Variants in EFL1 observed in about 807,000 individuals in gnomAD.
EFL1 encodes the protein elongation factor like GTPase 1, also known as elongation factor-like GTPase 1.
In EFL1, 76 loss-of-function variants were observed where a neutral mutation model predicts 126.7. The ratio of observed to expected loss-of-function variants is 0.60; its 90% confidence interval spans 0.50 to 0.73. The LOEUF (loss-of-function observed/expected upper bound fraction) is 0.73. Ranked by LOEUF, EFL1 falls within the 30% of genes least tolerant of loss-of-function variation. The probability of loss-of-function intolerance (pLI) is 0.00; values close to 1 mark genes in which losing one functional copy is unlikely to be tolerated. For synonymous variants in EFL1, 410 were observed against 448.4 expected, an observed-to-expected ratio of 0.91 and a Z score of 1.08; for missense variants, 1,128 against 1,343.2, an observed-to-expected ratio of 0.84 and a Z score of 2.50.
At chr15:82,223,617 A>T (rs2074733745) in intron 12 of EFL1, among the ~76,000 whole-genome samples, 1 of 152,232 alleles carries the variant, frequency 6.6e-6, no homozygotes, top group Admixed American at 6.5e-5. Context: ...AAATCTTAAC[A>T]GCAAGTTTTC....
chr15:82,211,274 C>T (rs2074581615), intron 15 of EFL1, among the ~76,000 whole-genome samples: 1 of 151,762 alleles, frequency 6.6e-6, no homozygotes, highest in South Asian at 2.1e-4. Flanking sequence ...TGTCTGTAAT[C>T]CCAGCACGTT....
At chr15:82,235,802 C>T (rs2074866780) in intron 7 of EFL1, among the ~76,000 whole-genome samples, 1 of 152,046 alleles carries the variant, frequency 6.6e-6, no homozygotes, top group Non-Finnish European at 1.5e-5. Context: ...CAAGGATGCC[C>T]ACTCCCATCA....
chr15:82,176,199 T>C (rs376158645), intron 15 of EFL1, among the ~76,000 whole-genome samples: 2 of 152,024 alleles, frequency 1.3e-5, no homozygotes, highest in Admixed American at 6.6e-5. Context: ...GTCAGACGGA[T>C]TGCAGATCTA....
In EFL1 at chr15:82,211,764, T is replaced by C. The variant is rs181642013; in HGVS notation, c.1750+2953A>G. 9.4e-4 allele frequency among the ~76,000 whole-genome samples: 143 copies of C among 152,192 alleles called. 5 individuals carry two copies. In the East Asian group the frequency reaches 0.024, roughly 26 times the overall value. ...AATCAAGGAACAAGTAAAATTTGCCTAAAAAAGTAATTCTATGACTTTGAG... is the reference window on the plus strand; with the variant it reads ...AATCAAGGAACAAGTAAAATTTGCCCAAAAAAGTAATTCTATGACTTTGAG... On this transcript the variant is annotated intron_variant, in intron 15 of 19. Coordinates refer to ENST00000268206, the MANE Select transcript of EFL1 (RefSeq NM_024580.6).
intron 15 of EFL1, among the ~76,000 whole-genome samples, chr15:82,205,096 C>A (rs2074510665): frequency 6.6e-6 from 1 of 152,124 alleles, no homozygotes; most frequent in South Asian, 2.1e-4. Flanking sequence ...AGCAAGAGGA[C>A]CTAATGCTTG....
At chr15:82,224,486 A>T in intron 12 of EFL1, among the ~76,000 whole-genome samples, 1 of 152,222 alleles carries the variant, frequency 6.6e-6, no homozygotes, top group Non-Finnish European at 1.5e-5. Context: ...AGGATCATTA[A>T]GGGTTTTTGA....
At chr15:82,230,136 T>C (rs2074806039) in intron 8 of EFL1, among the ~76,000 whole-genome samples, 1 of 152,148 alleles carries the variant, frequency 6.6e-6, no homozygotes, top group Non-Finnish European at 1.5e-5. Flanking sequence ...AAACAGCATA[T>C]CTCAACTGAG....
rs1228000594 is a variant in EFL1, at chr15:82,158,102, C to G, written c.1883-242G>C. ...AGACTCCCAAAGCTGATCTATATTA[C>G]TTCTTCAAATACTCTGCAGATACAA... On this transcript the variant is annotated intron_variant, in intron 16 of 19. Transcript: ENST00000268206. Among the ~76,000 whole-genome samples, 5 of 152,182 alleles carry G rather than the reference C, an allele frequency of 3.3e-5. No homozygotes were observed. In the South Asian group the frequency reaches 1.0e-3, roughly 32 times the overall value.
rs1482143448 is a variant in EFL1 at position 82,220,187 on chromosome 15, T to G, written c.1335A>C (p.Ala445=). 1.2e-6 allele frequency: 2 copies of G among 1,612,308 alleles called. No homozygotes were observed. The highest frequency in any genetic ancestry group is 1.7e-6 in the Non-Finnish European group (2 of 1,179,384). The change falls in exon 13 of 20, where the codon GCA becomes GCC. Residue 445 remains alanine (A), a synonymous_variant. Transcript: ENST00000268206. ...QEEIAQRRER[A]RQRHAEKLAA... ...CAAGCTTCTCTGCATGCCTTTGTCT[T>G]GCACGCTCACGTCTCTGAGCAATTT...
chr15:82,216,462 T>C (rs1248924845), intron 14 of EFL1, among the ~76,000 whole-genome samples: 1 of 152,146 alleles, frequency 6.6e-6, no homozygotes, highest in East Asian at 1.9e-4. Context: ...GTCTTTTTGA[T>C]GTCAAAACAT....
At chr15:82,154,393 G>C (rs1567042911) in intron 17 of EFL1, among the ~76,000 whole-genome samples, 1 of 152,190 alleles carries the variant, frequency 6.6e-6, no homozygotes, top group Non-Finnish European at 1.5e-5. Context: ...ATCCATTCCT[G>C]AAGATGTGTG....
chr15:82,262,475 A>C, intron 1 of EFL1, 139 bp downstream of exon 1: 1 of 186,166 alleles, frequency 5.4e-6, no homozygotes, highest in Non-Finnish European at 1.1e-5. Flanking sequence ...GGGAAGCGGC[A>C]CTCCGGGGAC....
Position 82,218,117 on chromosome 15 carries a change from C to T in EFL1, c.1611+1535G>A, listed in dbSNP as rs867066754. Among the ~76,000 whole-genome samples, 4 of 152,254 alleles carry T rather than the reference C, an allele frequency of 2.6e-5. 1 individual carries two copies. The South Asian group carries it at 8.3e-4, about 32-fold the overall frequency. On this transcript the variant is annotated intron_variant, in intron 14 of 19. Coordinates refer to ENST00000268206, the MANE Select transcript of EFL1 (RefSeq NM_024580.6). ...ACATTCTGATTGTGGCTTTGTGAGA[C>T]CCTAAGGAGAAGATGTGGCTAAGCC... is the stretch of plus-strand genomic sequence containing the variant.
intron 15 of EFL1, among the ~76,000 whole-genome samples, chr15:82,191,232 C>T (rs1446149316): frequency 6.6e-6 from 1 of 152,054 alleles, no homozygotes; most frequent in Non-Finnish European, 1.5e-5. Context: ...TACAACACAC[C>T]CTGAAATCTT....
intron 15 of EFL1, among the ~76,000 whole-genome samples, chr15:82,180,284 GATATTTGTTGA>G (rs1210215825): frequency 6.8e-6 from 1 of 148,112 alleles, no homozygotes; most frequent in Non-Finnish European, 1.5e-5. Flanking sequence ...ATCCTCCACA[GATATTTGTTGA>G]ATGAGTGAAC....
chr15:82,246,237 T>G (rs550183799), intron 4 of EFL1, among the ~76,000 whole-genome samples: 1 of 152,132 alleles, frequency 6.6e-6, no homozygotes, highest in Non-Finnish European at 1.5e-5. Context: ...GCTGCGTAGA[T>G]AGTAAATCTA....
chr15:82,219,742 T>C lies in EFL1; in HGVS notation c.1521A>G (p.Ala507=), dbSNP rs1359440932. 5 of 1,613,928 alleles carry C rather than the reference T, an allele frequency of 3.1e-6. No homozygotes were observed. In the African/African-American group the frequency reaches 6.7e-5, roughly 22 times the overall value. The part of the protein sequence containing the change: ...QEENNQESFI[A]FARVFSGVAR... The stretch of plus-strand genomic sequence containing the variant: ...CCACACCACTGAACACCCGAGCAAA[T>C]GCAATAAAAGACTCTTGGTTGTTTT... Residue 507 remains alanine (A), a synonymous_variant, in exon 14 of 20, where the codon GCA becomes GCG. Coordinates refer to ENST00000268206, the MANE Select transcript of EFL1 (RefSeq NM_024580.6).
chr15:82,244,485 T>C (rs560155506), intron 4 of EFL1, among the ~76,000 whole-genome samples: 3 of 152,270 alleles, frequency 2.0e-5, no homozygotes, highest in African/African-American at 7.2e-5. Flanking sequence ...GTTGAATTAA[T>C]CCCTGCAATA....
At chr15:82,259,404 A>C (rs1200387302) in intron 2 of EFL1, among the ~76,000 whole-genome samples, 2 of 152,206 alleles carry the variant, frequency 1.3e-5, no homozygotes, top group African/African-American at 2.4e-5. Context: ...TCATCTGAAA[A>C]GTTGTCAAGT....
Sources: gnomAD v4.1 joint callset for allele counts (sites outside exome capture counted in the v4.1 genomes callset) on GRCh38, gnomAD v4.1.1 for gene constraint, MANE v1.5 for transcripts, NCBI Gene and HGNC (gene_info 2026-07-23, HGNC 2026-07-21) for gene names.